The following CACNA2D3 variants were observed in gnomAD, a reference collection of about 807,000 sequenced individuals.
CACNA2D3 encodes calcium voltage-gated channel auxiliary subunit alpha2delta 3.
A neutral mutation model predicts 160.6 loss-of-function variants in CACNA2D3; 60 were observed. The observed-to-expected ratio is 0.37, with a 90% CI of 0.30 to 0.46. The LOEUF is 0.46. CACNA2D3 is among the 20% of genes least tolerant of loss of function. The probability of loss-of-function intolerance (pLI) is 1.00; values close to 1 mark genes in which losing one functional copy is unlikely to be tolerated. For missense variants in CACNA2D3, 1,205 were observed against 1,365.0 expected, an observed-to-expected ratio of 0.88 and a Z score of 1.85; for synonymous variants, 558 against 492.9, an observed-to-expected ratio of 1.13 and a Z score of -1.75.
At chr3:55,071,116 T>G (rs1459007884) in intron 35 of CACNA2D3, among the ~76,000 whole-genome samples, 1 of 152,170 alleles carries the variant, frequency 6.6e-6, no homozygotes. Flanking sequence ...ATTTACTATA[T>G]TTTAATGATA....
intron 4 of CACNA2D3, among the ~76,000 whole-genome samples, chr3:54,459,522 GTGA>G (rs1168273070): frequency 1.3e-5 from 2 of 151,982 alleles, no homozygotes; most frequent in Admixed American, 1.3e-4. Flanking sequence ...CTGATGGCCA[GTGA>G]TGATGAGCAT....
intron 13 of CACNA2D3, among the ~76,000 whole-genome samples, chr3:54,809,546 C>T (rs1257618512): frequency 7.0e-6 from 1 of 143,662 alleles, no homozygotes; most frequent in Non-Finnish European, 1.5e-5. Context: ...TCTCGATCTC[C>T]TGACCTCATG....
At chr3:54,696,743 C>A (rs1467339805) in intron 11 of CACNA2D3, among the ~76,000 whole-genome samples, 1 of 152,162 alleles carries the variant, frequency 6.6e-6, no homozygotes, top group Non-Finnish European at 1.5e-5. Flanking sequence ...TAGCACTGAA[C>A]CCTCCAGAAG....
chr3:54,492,865 A>G (rs984695135), intron 4 of CACNA2D3, among the ~76,000 whole-genome samples: 1 of 152,166 alleles, frequency 6.6e-6, no homozygotes, highest in East Asian at 1.9e-4. Flanking sequence ...TTCTCTGGAC[A>G]TGCTGCATCT....
chr3:54,967,400 T>G (rs1416998892), intron 27 of CACNA2D3, among the ~76,000 whole-genome samples: 1 of 152,144 alleles, frequency 6.6e-6, no homozygotes, highest in Non-Finnish European at 1.5e-5. Flanking sequence ...TTCTTACAAT[T>G]GTGTATTTCT....
intron 25 of CACNA2D3, among the ~76,000 whole-genome samples, chr3:54,893,383 T>C (rs138422495): frequency 6.6e-6 from 1 of 151,552 alleles, no homozygotes; most frequent in Non-Finnish European, 1.5e-5. Context: ...ACAGAGTGGG[T>C]ACTCATTGAC....
At chr3:55,050,705 T>G (rs199901786) in intron 35 of CACNA2D3, among the ~76,000 whole-genome samples, 3,698 of 120,172 alleles carry the variant, frequency 0.031, 213 homozygotes, top group African/African-American at 0.11. Context: ...GTGTTTTCCA[T>G]CTTGGTTCCA....
chr3:54,659,616 C>T (rs912286970), intron 11 of CACNA2D3, among the ~76,000 whole-genome samples: 4 of 152,084 alleles, frequency 2.6e-5, no homozygotes, highest in Non-Finnish European at 4.4e-5. Context: ...TGCCAAGAAG[C>T]GTGTCCTGAA....
chr3:54,880,929 G>T (rs967062905), intron 21 of CACNA2D3, 66 bp downstream of exon 21: 1 of 1,374,860 alleles, frequency 7.3e-7, no homozygotes, highest in Admixed American at 1.7e-5. Flanking sequence ...TAGCTACTGA[G>T]TTAGCTGAAG....
At chr3:54,390,844 T>C (rs1341348554) in intron 4 of CACNA2D3, among the ~76,000 whole-genome samples, 1 of 152,206 alleles carries the variant, frequency 6.6e-6, no homozygotes, top group African/African-American at 2.4e-5. Context: ...GATCAATTGT[T>C]AATCTGGGTT....
At chr3:54,854,021 G>A (rs898380359) in intron 17 of CACNA2D3, among the ~76,000 whole-genome samples, 1 of 152,114 alleles carries the variant, frequency 6.6e-6, no homozygotes, top group Non-Finnish European at 1.5e-5. Flanking sequence ...GGGCACCGCC[G>A]AGTACCCGGT....
At chr3:54,184,105 A>G (rs185008427) in intron 2 of CACNA2D3, among the ~76,000 whole-genome samples, 95 of 152,198 alleles carry the variant, frequency 6.2e-4, no homozygotes, top group Non-Finnish European at 1.1e-3. Flanking sequence ...GCACAAGCAC[A>G]TGTTGTTTTC....
At chr3:54,247,203 G>A (rs1301493905) in intron 2 of CACNA2D3, among the ~76,000 whole-genome samples, 3 of 152,052 alleles carry the variant, frequency 2.0e-5, no homozygotes, top group Admixed American at 1.3e-4. Flanking sequence ...CCAGTTACTC[G>A]GGAGGCTGAG....
chr3:54,846,445 C>A lies in CACNA2D3; in HGVS notation c.1604C>A (p.Thr535Lys). The A allele has an allele frequency of 6.2e-7, 1 of 1,602,196 alleles. No homozygotes were observed. Among genetic ancestry groups the A allele is most frequent in the Non-Finnish European group, 8.5e-7 (1 of 1,173,152 alleles). Residue 535 changes from threonine to lysine, a missense_variant, in exon 17 of 38, where the codon ACG becomes AAG. Thr to Lys is a moderately conservative substitution (Grantham distance 78). Transcript: ENST00000474759. ...FAITNNGYIL[T>K]HPELRLLYEE... The stretch of plus-strand genomic sequence containing the variant: ...ATCACAAATAATGGATATATCCTGA[C>A]GCATCCGGAACTCAGGCTGCTGGTA...
chr3:54,303,990 A>G (rs1361866964), intron 2 of CACNA2D3, among the ~76,000 whole-genome samples: 1 of 151,866 alleles, frequency 6.6e-6, no homozygotes, highest in Non-Finnish European at 1.5e-5. Context: ...GGTTTGTGTT[A>G]TATGCATTCA....
chr3:54,460,510 C>T (rs1700482794), intron 4 of CACNA2D3, among the ~76,000 whole-genome samples: 1 of 152,190 alleles, frequency 6.6e-6, no homozygotes, highest in Non-Finnish European at 1.5e-5. Context: ...AAGTTGGAAT[C>T]CTAGGTATTT....
intron 13 of CACNA2D3, among the ~76,000 whole-genome samples, chr3:54,785,858 T>C (rs906574483): frequency 6.6e-6 from 1 of 152,176 alleles, no homozygotes; most frequent in Non-Finnish European, 1.5e-5. Flanking sequence ...CTCATATATT[T>C]TCCCTTCTTA....
intron 21 of CACNA2D3, among the ~76,000 whole-genome samples, chr3:54,883,032 T>G (rs984142375): frequency 6.6e-6 from 1 of 152,176 alleles, no homozygotes; most frequent in Non-Finnish European, 1.5e-5. Flanking sequence ...TCTTTTTGTG[T>G]GTGTGTGTGA....
In CACNA2D3 at chr3:54,319,157, G is replaced by GACACACACACACACAC. The variant is rs58790730; in HGVS notation, c.205-1256_205-1241dup. Among the ~76,000 whole-genome samples, 341 of 138,946 alleles carry GACACACACACACACAC rather than the reference G, an allele frequency of 2.5e-3. 1 individual carries two copies. The highest frequency in any genetic ancestry group is 7.0e-3 in the African/African-American group (254 of 36,542). The allele number at this position is 138,946 out of a possible 152,430, so 91.2% of individuals were successfully genotyped here. A position where few individuals can be genotyped will look rare whatever the true frequency, so the allele number is the denominator to read the frequency against. ...TGAACAAGGAAGGGAAGCATTTTGT[G>GACACACACACACACAC]ACACACACACACACACACACACACA... On this transcript the variant is annotated intron_variant, in intron 2 of 37. Transcript: ENST00000474759.
Sources: allele counts gnomAD v4.1 joint callset (sites outside exome capture counted in the v4.1 genomes callset), GRCh38; gene constraint gnomAD v4.1.1; transcripts MANE v1.5; gene names NCBI Gene and HGNC (gene_info 2026-07-23, HGNC 2026-07-21).